Variants in SPATA17 observed in about 807,000 individuals in gnomAD.
SPATA17 encodes spermatogenesis associated 17, also known as spermatogenesis-associated protein 17.
SPATA17 carries 53 observed loss-of-function variants against 62.2 expected under a neutral mutation model. That is an observed-to-expected ratio of 0.85 (90% CI 0.68 to 1.07). The LOEUF (loss-of-function observed/expected upper bound fraction) is 1.07, where lower values mean the gene tolerates loss of function less well. SPATA17 is among the 50% of genes least tolerant of loss of function. The pLI, the probability that SPATA17 is intolerant of heterozygous loss-of-function variation, is 0.00. For synonymous variants in SPATA17, 146 were observed against 146.8 expected (o/e 0.99, Z 0.04); for missense variants, 466 against 425.5 (o/e 1.10, Z -0.84).
At chr1:217,665,109 A>T (rs1232054275) in intron 3 of SPATA17, among the ~76,000 whole-genome samples, 1 of 152,218 alleles carries the variant, frequency 6.6e-6, no homozygotes, top group Non-Finnish European at 1.5e-5. Flanking sequence ...TTTGACCTGT[A>T]AGAGAGTAGT....
intron 9 of SPATA17, among the ~76,000 whole-genome samples, chr1:217,813,883 C>G (rs1674654366): frequency 6.6e-6 from 1 of 151,866 alleles, no homozygotes; most frequent in Non-Finnish European, 1.5e-5. Context: ...GAGCCAAATA[C>G]TGTATTGTAT....
chr1:217,826,091 A>C (rs941051140), intron 9 of SPATA17, among the ~76,000 whole-genome samples: 1 of 152,098 alleles, frequency 6.6e-6, no homozygotes, highest in Non-Finnish European at 1.5e-5. Context: ...GGCTTTAACA[A>C]GACATCTATT....
At chr1:217,798,902 G>A (rs1360075438) in intron 8 of SPATA17, among the ~76,000 whole-genome samples, 1 of 148,642 alleles carries the variant, frequency 6.7e-6, no homozygotes, top group Non-Finnish European at 1.5e-5. Context: ...CTGAGACGGA[G>A]TCTCACTCTG....
chr1:217,821,589 A>C (rs1199302347), intron 9 of SPATA17, among the ~76,000 whole-genome samples: 1 of 152,054 alleles, frequency 6.6e-6, no homozygotes. Flanking sequence ...ATTTTAAAGG[A>C]GATACCAAGT....
At chr1:217,673,113 CT>C (rs1355829960) in intron 4 of SPATA17, among the ~76,000 whole-genome samples, 2 of 151,922 alleles carry the variant, frequency 1.3e-5, no homozygotes, top group Non-Finnish European at 2.9e-5. Context: ...ATCTTTAAGC[CT>C]TTTTTGATTA....
chr1:217,850,694 C>T (rs2103011381), intron 9 of SPATA17: 1 of 1,304,434 alleles, frequency 7.7e-7, no homozygotes, highest in Non-Finnish European at 1.1e-6. Context: ...GCCACAGGAA[C>T]ACCTCCACAC....
chr1:217,797,437 A>G (rs1229589128), intron 8 of SPATA17, among the ~76,000 whole-genome samples: 2 of 151,788 alleles, frequency 1.3e-5, no homozygotes, highest in Non-Finnish European at 2.9e-5. Flanking sequence ...TTTAGTAGAG[A>G]TGAGGTTTTG....
At chr1:217,705,141 T>G (rs921247532) in intron 5 of SPATA17, among the ~76,000 whole-genome samples, 1 of 152,202 alleles carries the variant, frequency 6.6e-6, no homozygotes, top group African/African-American at 2.4e-5. Flanking sequence ...GATTTTCATT[T>G]CTCTAACAAT....
intron 9 of SPATA17, among the ~76,000 whole-genome samples, chr1:217,840,701 A>G (rs1452990727): frequency 6.6e-6 from 1 of 151,978 alleles, no homozygotes; most frequent in Non-Finnish European, 1.5e-5. Context: ...TCTACAAAAA[A>G]TACAAAAATT....
rs1676041355 is a variant in SPATA17 at position 217,867,556 on chromosome 1, C to T, written c.*537C>T. 1 of 152,182 alleles carries T rather than the reference C, an allele frequency of 6.6e-6. No individual in the cohort carries two copies. The highest frequency in any genetic ancestry group is 2.4e-5 in the African/African-American group (1 of 41,450). The allele number at this position is 152,182 out of a possible 1,614,324, so 9.4% of individuals were successfully genotyped here. On this transcript the variant is annotated 3_prime_UTR_variant, in exon 11 of 11. Transcript: ENST00000366933. ...GTGGGTGTGGGAGCAGAAGCATAGG[C>T]ACTCTCAAATAGAGAAGACATTTGC...
At chr1:217,645,090 A>T (rs1294651688) in intron 1 of SPATA17, among the ~76,000 whole-genome samples, 1 of 152,132 alleles carries the variant, frequency 6.6e-6, no homozygotes, top group Admixed American at 6.6e-5. Flanking sequence ...ACAGAGAAAC[A>T]TGTATAGAAG....
At chr1:217,848,618 T>G (rs369606224) in intron 9 of SPATA17, among the ~76,000 whole-genome samples, 1 of 152,174 alleles carries the variant, frequency 6.6e-6, no homozygotes, top group African/African-American at 2.4e-5. Flanking sequence ...CAATATAATC[T>G]TTCTGTCTGA....
chr1:217,653,746 G>T (rs1265778754), intron 3 of SPATA17, among the ~76,000 whole-genome samples: 4 of 152,032 alleles, frequency 2.6e-5, no homozygotes, highest in African/African-American at 7.3e-5. Context: ...GAGGAGATTT[G>T]ATTTTTCTTC....
chr1:217,770,195 A>T (rs1300204629), intron 6 of SPATA17, among the ~76,000 whole-genome samples: 1 of 152,206 alleles, frequency 6.6e-6, no homozygotes, highest in African/African-American at 2.4e-5. Context: ...ACCCAAACAT[A>T]TTTTAGACAC....
At chr1:217,710,287 C>G (rs2102925988) in intron 5 of SPATA17, among the ~76,000 whole-genome samples, 1 of 151,882 alleles carries the variant, frequency 6.6e-6, no homozygotes, top group African/African-American at 2.4e-5. Flanking sequence ...AAAAACTGCC[C>G]CAGGTTATGA....
intron 6 of SPATA17, among the ~76,000 whole-genome samples, chr1:217,756,713 G>A (rs1440490832): frequency 1.3e-5 from 2 of 152,178 alleles, no homozygotes; most frequent in East Asian, 1.9e-4. Context: ...CACAGGAAGT[G>A]AAGCAAGGCT....
At chr1:217,660,778 GA>G (rs1222592269) in intron 3 of SPATA17, among the ~76,000 whole-genome samples, 1 of 152,192 alleles carries the variant, frequency 6.6e-6, no homozygotes, top group East Asian at 1.9e-4. Flanking sequence ...CATGTAGTGT[GA>G]GTAAGAAATA....
intron 9 of SPATA17, among the ~76,000 whole-genome samples, chr1:217,805,303 C>A (rs1315005594): frequency 1.3e-5 from 2 of 152,176 alleles, no homozygotes; most frequent in Non-Finnish European, 2.9e-5. Flanking sequence ...TGCATGGTCT[C>A]ATTTATATGT....
chr1:217,773,087 A>T (rs926186607), intron 6 of SPATA17, among the ~76,000 whole-genome samples: 1 of 152,124 alleles, frequency 6.6e-6, no homozygotes, highest in African/African-American at 2.4e-5. Context: ...TGCATTTGGG[A>T]TAGGACGTTG....
Sources: allele counts gnomAD v4.1 joint callset (sites outside exome capture counted in the v4.1 genomes callset), GRCh38; gene constraint gnomAD v4.1.1; transcripts MANE v1.5; gene names NCBI Gene and HGNC (gene_info 2026-07-23, HGNC 2026-07-21).